The following AGBL2 variants were observed in gnomAD, a reference collection of about 807,000 sequenced individuals.
AGBL2 encodes the protein AGBL carboxypeptidase 2, also known as cytosolic carboxypeptidase 2.
AGBL2 carries 87 observed loss-of-function variants against 103.0 expected under a neutral mutation model. That is an observed-to-expected ratio of 0.84 (90% CI 0.71 to 1.01). AGBL2 has a LOEUF of 1.01. Among genes scored for constraint, AGBL2 ranks in the 50% least tolerant of loss-of-function variants. The pLI, the probability that AGBL2 is intolerant of heterozygous loss-of-function variation, is 0.00. For missense variants in AGBL2, 904 were observed against 1,023.5 expected (o/e 0.88, Z 1.59); for synonymous variants, 335 against 356.7 (o/e 0.94, Z 0.69).
At chr11:47,686,457 T>G (rs1362934281) in intron 10 of AGBL2, among the ~76,000 whole-genome samples, 3 of 148,614 alleles carry the variant, frequency 2.0e-5, no homozygotes, top group Admixed American at 6.8e-5. Flanking sequence ...GTTTTTTTTT[T>G]TTTTTTTTTT....
rs369131687 is a variant in AGBL2, at chr11:47,663,057, A to G, written c.2504T>C (p.Leu835Pro). The G allele has an allele frequency of 1.7e-5, 27 of 1,611,366 alleles. No homozygotes were observed. The highest frequency in any genetic ancestry group is 2.2e-5 in the Non-Finnish European group (26 of 1,179,302). ...TCTCCCTTTATTCTTAGGCAGAATC[A>G]GGGTGGCCATTGATGGGTCCAGGGG... ...DTPLDPSMAT[L>P]ILPKNKGRMQ... is the part of the protein sequence containing the mutation. Residue 835 changes from leucine to proline, a missense_variant, in exon 18 of 19, where the codon CTG (leucine) becomes CCG (proline). Physicochemically the swap from Leu to Pro is moderately conservative, Grantham distance 98. Coordinates refer to ENST00000525123, the MANE Select transcript of AGBL2 (RefSeq NM_024783.4).
At chr11:47,696,037 G>GAAAAAAAAAAAGA (rs71045503) in intron 8 of AGBL2, among the ~76,000 whole-genome samples, 2 of 88,906 alleles carry the variant, frequency 2.2e-5, no homozygotes, top group Non-Finnish European at 4.0e-5. Context: ...AAAAAAAAAA[G>GAAAAAAAAAAAGA]AAAAAAAAAA....
Position 47,678,331 on chromosome 11 carries a change from T to TTTTAC in AGBL2, c.2017-931_2017-930insGTAAA, listed in dbSNP as rs1491447723. 5.9e-5 allele frequency among the ~76,000 whole-genome samples: 8 copies of TTTTAC among 135,644 alleles called. 1 individual carries two copies. The highest frequency in any genetic ancestry group is 5.8e-4 in the South Asian group (2 of 3,456). 89.0% of individuals were successfully genotyped at this position (135,644 alleles called of 152,430 possible). A position where few individuals can be genotyped will look rare whatever the true frequency, so the allele number is the denominator to read the frequency against. On this transcript the variant is annotated intron_variant, in intron 13 of 18. Coordinates refer to ENST00000525123, the MANE Select transcript of AGBL2 (RefSeq NM_024783.4). ...TTTTATTTTATTTTATTTTATTTTA[T>TTTTAC]TTTATTATTTTATTTTTTTTGAGAC...
intron 4 of AGBL2, among the ~76,000 whole-genome samples, chr11:47,708,256 C>T (rs1043097928): frequency 5.9e-5 from 9 of 151,488 alleles, no homozygotes; most frequent in African/African-American, 1.5e-4. Flanking sequence ...TTAGTAGAGA[C>T]GGGGTTTCAC....
intron 8 of AGBL2, among the ~76,000 whole-genome samples, chr11:47,695,415 C>T (rs922103912): frequency 2.9e-5 from 4 of 138,926 alleles, no homozygotes; most frequent in Admixed American, 8.0e-5. Flanking sequence ...GCAGAGATTG[C>T]GGTGAGCCGA....
chr11:47,678,343 A>ATTATTTTTTTTTTTTTTTTTTTTTT lies in AGBL2; in HGVS notation c.2017-943_2017-942insAAAAAAAAAAAAAAAAAAAAAATAA, dbSNP rs2097385523. Among the ~76,000 whole-genome samples, 32 of 116,812 alleles carry ATTATTTTTTTTTTTTTTTTTTTTTT rather than the reference A, an allele frequency of 2.7e-4. 1 individual carries two copies. Among genetic ancestry groups the ATTATTTTTTTTTTTTTTTTTTTTTT allele is most frequent in the South Asian group, 1.1e-3 (3 of 2,784 alleles). 76.6% of individuals were successfully genotyped at this position (116,812 alleles called of 152,430 possible). On this transcript the variant is annotated intron_variant, in intron 13 of 18. Coordinates refer to ENST00000525123, the MANE Select transcript of AGBL2 (RefSeq NM_024783.4). ...TTATTTTATTTTATTTTATTATTTTATTTTTTTTGAGACGGAGTCTTGCTC... is the reference window on the plus strand; with the variant it reads ...TTATTTTATTTTATTTTATTATTTTATTATTTTTTTTTTTTTTTTTTTTTTTTTTTTTTGAGACGGAGTCTTGCTC...
intron 5 of AGBL2, 39 bp downstream of exon 5, chr11:47,705,825 A>G: frequency 6.3e-7 from 1 of 1,586,314 alleles, no homozygotes; most frequent in East Asian, 2.2e-5. Flanking sequence ...AGTCCAAAAA[A>G]GGAGCTTGAA....
Position 47,668,870 on chromosome 11 carries a change from G to A in AGBL2, c.2185C>T (p.Pro729Ser), listed in dbSNP as rs1484311363. Residue 729 changes from proline to serine, a missense_variant, in exon 15 of 19, where the codon CCT becomes TCT. Coordinates refer to ENST00000525123, the MANE Select transcript of AGBL2 (RefSeq NM_024783.4). ...GSDSSLSDGL[P>S]VHLANIADEL... Reference sequence around the variant, plus strand: ...TCTGCTATGTTTGCTAGGTGAACAGGAAGACCATCTGAGAGAGAACTGTCA... The same window carrying A: ...TCTGCTATGTTTGCTAGGTGAACAGAAAGACCATCTGAGAGAGAACTGTCA... 1 of 1,613,514 alleles carries A rather than the reference G, an allele frequency of 6.2e-7. No homozygotes were observed. Among genetic ancestry groups the A allele is most frequent in the East Asian group, 2.2e-5 (1 of 44,826 alleles).
At chr11:47,667,515 C>T (rs1325830511) in intron 16 of AGBL2, 56 bp downstream of exon 16, 17 of 1,588,644 alleles carry the variant, frequency 1.1e-5, no homozygotes, top group Non-Finnish European at 1.5e-5. Flanking sequence ...TTTCCTTATC[C>T]CTCTATGGAA....
At chr11:47,691,723 A>ATATATAT (rs1429311915) in intron 9 of AGBL2, among the ~76,000 whole-genome samples, 1 of 6,424 alleles carries the variant, frequency 1.6e-4, no homozygotes, top group African/African-American at 4.0e-4. Flanking sequence ...AAAAAAAAAA[A>ATATATAT]AAAAAAATAT....
chr11:47,713,819 G>T (rs560627351), intron 3 of AGBL2, among the ~76,000 whole-genome samples: 371 of 151,914 alleles, frequency 2.4e-3, no homozygotes, highest in Middle Eastern at 0.014. Flanking sequence ...TCGATCTCCT[G>T]ACCTCGTGCT....
In AGBL2 at chr11:47,710,475, T is replaced by C. The variant is rs756637755; in HGVS notation, c.134A>G (p.Gln45Arg). The C allele has an allele frequency of 3.1e-6, 5 of 1,614,184 alleles. No individual in the cohort carries two copies. The South Asian group carries it at 5.5e-5, about 18-fold the overall frequency. ...RGSLPNSATHQHVRKNNPQCL... is the reference protein window; with the variant it reads ...RGSLPNSATHRHVRKNNPQCL... ...TTGAGGGTTATTCTTCCGAACATGC[T>C]GATGCGTAGCAGAGTTTGGTAAACT... The change falls in exon 4 of 19, where the codon CAG (glutamine) becomes CGG (arginine). Residue 45 changes from glutamine to arginine, a missense_variant. Coordinates refer to ENST00000525123, the MANE Select transcript of AGBL2 (RefSeq NM_024783.4).
At chr11:47,668,444 T>C (rs928870030) in intron 15 of AGBL2, among the ~76,000 whole-genome samples, 1 of 152,070 alleles carries the variant, frequency 6.6e-6, no homozygotes, top group African/African-American at 2.4e-5. Context: ...TTTGCGCCAC[T>C]GCACTCCAGC....
intron 12 of AGBL2, 21 bp from the exon 13 acceptor site, chr11:47,680,094 G>C (rs377499861): frequency 7.5e-7 from 1 of 1,335,546 alleles, no homozygotes; most frequent in South Asian, 1.2e-5. Context: ...AAAAAACCCC[G>C]CAAACATTTC....
intron 14 of AGBL2, among the ~76,000 whole-genome samples, chr11:47,676,847 T>G (rs565741156): frequency 2.7e-5 from 4 of 147,208 alleles, no homozygotes; most frequent in African/African-American, 1.0e-4. Flanking sequence ...AACTAAAACC[T>G]GTCAAACCAT....
intron 16 of AGBL2, 119 bp downstream of exon 16, chr11:47,667,452 C>G (rs753398475): frequency 1.9e-5 from 24 of 1,262,346 alleles, no homozygotes; most frequent in Non-Finnish European, 2.1e-5. Flanking sequence ...CAGAAAGTCT[C>G]CCTCTGCCCC....
intron 14 of AGBL2, among the ~76,000 whole-genome samples, chr11:47,671,257 G>A (rs1283744275): frequency 6.6e-6 from 1 of 152,072 alleles, no homozygotes; most frequent in African/African-American, 2.4e-5. Flanking sequence ...GCTCATGCCT[G>A]TAATCCCAGC....
At chr11:47,703,071 A>G (rs1487549215) in intron 7 of AGBL2, among the ~76,000 whole-genome samples, 1 of 152,184 alleles carries the variant, frequency 6.6e-6, no homozygotes, top group Non-Finnish European at 1.5e-5. Flanking sequence ...CCATAATGTC[A>G]TAAAAAAGTC....
rs745867725 is a variant in AGBL2, at chr11:47,699,439, AC to A, written c.694+6del. 25 of 1,405,078 alleles carry A rather than the reference AC, an allele frequency of 1.8e-5. No homozygotes were observed. The East Asian group carries it at 5.5e-4, about 31-fold the overall frequency. 87.0% of individuals were successfully genotyped at this position (1,405,078 alleles called of 1,614,324 possible). On this transcript the variant is annotated splice_donor_region_variant and intron_variant, in intron 8 of 18. Coordinates refer to ENST00000525123, the MANE Select transcript of AGBL2 (RefSeq NM_024783.4). ...TAACCATTCATTGTTCAGTGTAATG[AC>A]AATACCTGAATCTAATTGATAGACA...
Sources: gnomAD v4.1 joint callset for allele counts (sites outside exome capture counted in the v4.1 genomes callset) on GRCh38, gnomAD v4.1.1 for gene constraint, MANE v1.5 for transcripts, NCBI Gene and HGNC (gene_info 2026-07-23, HGNC 2026-07-21) for gene names.